The following PRKG1 variants were observed in gnomAD, a reference collection of about 807,000 sequenced individuals.
The protein encoded by PRKG1 is cGMP-dependent protein kinase 1.
Under a neutral mutation model 88.1 loss-of-function variants are expected in PRKG1, and 35 were observed. The observed-to-expected ratio is 0.40, with a 90% CI of 0.30 to 0.53. The LOEUF (loss-of-function observed/expected upper bound fraction) is 0.53. PRKG1 is among the 20% of genes least tolerant of loss of function. The pLI is 0.59. For missense variants in PRKG1, 540 were observed against 839.8 expected (o/e 0.64, Z 4.41); for synonymous variants, 303 against 292.5 (o/e 1.04, Z -0.37).
At chr10:51,899,159 TTCA>T (rs1364239525) in intron 4 of PRKG1, among the ~76,000 whole-genome samples, 1 of 152,150 alleles carries the variant, frequency 6.6e-6, no homozygotes, top group East Asian at 1.9e-4. Context: ...TTACATATTT[TTCA>T]TCAATACATC....
intron 3 of PRKG1, among the ~76,000 whole-genome samples, chr10:51,604,910 G>A (rs899744789): frequency 6.6e-6 from 1 of 152,204 alleles, no homozygotes; most frequent in Non-Finnish European, 1.5e-5. Context: ...GCAAGGACAG[G>A]GGGCCATTGT....
At chr10:51,947,189 C>T (rs916934147) in intron 5 of PRKG1, among the ~76,000 whole-genome samples, 3 of 152,240 alleles carry the variant, frequency 2.0e-5, no homozygotes, top group Non-Finnish European at 2.9e-5. Flanking sequence ...CCCCCAGCCT[C>T]GCTGCCGCCT....
In PRKG1 at chr10:51,108,684, G is replaced by A. The variant is rs141440073; in HGVS notation, c.311+33783G>A. 3.4e-3 allele frequency among the ~76,000 whole-genome samples: 521 copies of A among 152,250 alleles called. 3 individuals are homozygous for A. The highest frequency in any genetic ancestry group is 0.011 in the African/African-American group (462 of 41,552). On this transcript the variant is annotated intron_variant, in intron 1 of 17. Transcript: ENST00000373980. The stretch of plus-strand genomic sequence containing the variant: ...GCTAACATCATACTTAATGGTGGGC[G>A]ATTGAATATTTTTCCCCTAAGATCA...
intron 1 of PRKG1, among the ~76,000 whole-genome samples, chr10:51,007,240 C>T (rs182694987): frequency 1.6e-3 from 249 of 152,038 alleles, no homozygotes; most frequent in African/African-American, 5.5e-3. Context: ...CCACTGCGTC[C>T]GGCTGGGCCT....
intron 3 of PRKG1, among the ~76,000 whole-genome samples, chr10:51,612,745 T>A (rs541639302): frequency 6.6e-6 from 1 of 152,086 alleles, no homozygotes. Context: ...TGATGATGTT[T>A]GCTGTTGGTT....
At chr10:52,248,257 C>T (rs187952397) in intron 9 of PRKG1, among the ~76,000 whole-genome samples, 4 of 152,298 alleles carry the variant, frequency 2.6e-5, no homozygotes, top group African/African-American at 4.8e-5. Context: ...TATGGCCAGT[C>T]TTCGGGCCAG....
At chr10:51,902,476 A>G (rs1016745215) in intron 4 of PRKG1, among the ~76,000 whole-genome samples, 1 of 152,216 alleles carries the variant, frequency 6.6e-6, no homozygotes, top group Non-Finnish European at 1.5e-5. Context: ...TATAAGTAAG[A>G]TAAAATTTTA....
intron 3 of PRKG1, among the ~76,000 whole-genome samples, chr10:51,763,464 G>C (rs1419134336): frequency 2.6e-5 from 4 of 151,950 alleles, no homozygotes; most frequent in African/African-American, 4.8e-5. Context: ...CGTTGTCTAA[G>C]CTGGTCTTGA....
chr10:51,339,970 A>G lies in PRKG1; in HGVS notation c.479-127753A>G, dbSNP rs574321930. ...CACATTTTTAAGGCTTTTATCTTTCAAAAAGATTTCACCAACTTATACTTC... is the reference window on the plus strand; with the variant it reads ...CACATTTTTAAGGCTTTTATCTTTCGAAAAGATTTCACCAACTTATACTTC... On this transcript the variant is annotated intron_variant, in intron 2 of 17. Coordinates refer to ENST00000373980, the MANE Select transcript of PRKG1 (RefSeq NM_006258.4). Among the ~76,000 whole-genome samples, 6 of 152,262 alleles carry G rather than the reference A, an allele frequency of 3.9e-5. No homozygotes were observed. The South Asian group carries it at 1.0e-3, about 26-fold the overall frequency.
At chr10:51,489,013 G>T (rs1022842919) in intron 3 of PRKG1, among the ~76,000 whole-genome samples, 2 of 152,138 alleles carry the variant, frequency 1.3e-5, no homozygotes, top group Non-Finnish European at 2.9e-5. Context: ...AAAAACTGCC[G>T]TTGGCAGGAT....
At chr10:51,609,704 T>C (rs532242973) in intron 3 of PRKG1, among the ~76,000 whole-genome samples, 11 of 152,284 alleles carry the variant, frequency 7.2e-5, no homozygotes, top group Non-Finnish European at 1.6e-4. Context: ...TGGTTGAAGA[T>C]GGAAGCCATA....
chr10:51,822,142 C>CATATGTAT lies in PRKG1; in HGVS notation c.698+17465_698+17472dup, dbSNP rs1228827387. On this transcript the variant is annotated intron_variant, in intron 4 of 17. Coordinates refer to ENST00000373980, the MANE Select transcript of PRKG1 (RefSeq NM_006258.4). ...ATATATATAACATATGTATGTATGT[C>CATATGTAT]ATATGTATATATGTATATATACATA... Among the ~76,000 whole-genome samples, 4 of 151,434 alleles carry CATATGTAT rather than the reference C, an allele frequency of 2.6e-5. No individual in the cohort carries two copies. The East Asian group carries it at 7.7e-4, about 29-fold the overall frequency.
intron 3 of PRKG1, among the ~76,000 whole-genome samples, chr10:51,525,541 A>G (rs1564534919): frequency 6.6e-6 from 1 of 152,032 alleles, no homozygotes; most frequent in Non-Finnish European, 1.5e-5. Context: ...TACTAAAAAT[A>G]CAAAAAATTA....
intron 7 of PRKG1, among the ~76,000 whole-genome samples, chr10:52,109,525 G>T (rs1589613779): frequency 6.6e-6 from 1 of 152,020 alleles, no homozygotes. Context: ...CCAACACTTC[G>T]GGAGGCCGAG....
intron 3 of PRKG1, among the ~76,000 whole-genome samples, chr10:51,663,694 C>A (rs1157389685): frequency 5.1e-5 from 6 of 117,558 alleles, no homozygotes; most frequent in African/African-American, 1.9e-4. Flanking sequence ...AACAGTGAGA[C>A]CCTGTCTCAA....
At chr10:52,258,644 C>A (rs1841362316) in intron 10 of PRKG1, among the ~76,000 whole-genome samples, 1 of 152,050 alleles carries the variant, frequency 6.6e-6, no homozygotes, top group South Asian at 2.1e-4. Context: ...CAAAAATCAT[C>A]TGTTTTAAAA....
intron 5 of PRKG1, among the ~76,000 whole-genome samples, chr10:52,044,731 C>T (rs1478643987): frequency 6.6e-6 from 1 of 152,062 alleles, no homozygotes; most frequent in East Asian, 1.9e-4. Flanking sequence ...TTTTAAAATG[C>T]TGTTTGCAGC....
chr10:51,478,885 C>T (rs767719499), intron 3 of PRKG1, among the ~76,000 whole-genome samples: 13 of 151,100 alleles, frequency 8.6e-5, no homozygotes, highest in Non-Finnish European at 1.8e-4. Context: ...TCTTCTGAAA[C>T]TCAAATTTGA....
chr10:51,777,841 C>T (rs1398032230), intron 3 of PRKG1, among the ~76,000 whole-genome samples: 1 of 152,172 alleles, frequency 6.6e-6, no homozygotes, highest in African/African-American at 2.4e-5. Context: ...ATGTCGTATA[C>T]TGTAGTTGGA....
Sources: gnomAD v4.1 joint callset for allele counts (sites outside exome capture counted in the v4.1 genomes callset) on GRCh38, gnomAD v4.1.1 for gene constraint, MANE v1.5 for transcripts, NCBI Gene and HGNC (gene_info 2026-07-23, HGNC 2026-07-21) for gene names.